Variants in VWA8 observed in about 807,000 individuals in gnomAD.
The protein encoded by VWA8 is von Willebrand factor A domain containing 8.
A neutral mutation model predicts 241.5 loss-of-function variants in VWA8; 221 were observed. The observed-to-expected ratio is 0.91, with a 90% CI of 0.82 to 1.02. The LOEUF (loss-of-function observed/expected upper bound fraction) is 1.02, where lower values mean the gene tolerates loss of function less well. Among genes scored for constraint, VWA8 ranks in the 50% least tolerant of loss-of-function variants. VWA8 has a pLI of 0.00. For synonymous variants in VWA8, 852 were observed against 827.1 expected (o/e 1.03, Z -0.52); for missense variants, 2,322 against 2,328.7 (o/e 1.00, Z 0.06).
intron 22 of VWA8, 40 bp downstream of exon 22, chr13:41,732,040 A>G (rs758282263): frequency 6.4e-7 from 1 of 1,572,590 alleles, no homozygotes; most frequent in Non-Finnish European, 8.7e-7. Context: ...CTATGATACA[A>G]AAATACACTT....
intron 28 of VWA8, among the ~76,000 whole-genome samples, chr13:41,700,394 T>C (rs2045241912): frequency 6.6e-6 from 1 of 152,092 alleles, no homozygotes; most frequent in Admixed American, 6.5e-5. Context: ...GAAAAAGACC[T>C]ATTTTTTTAG....
chr13:41,709,767 C>T (rs1055982364), intron 26 of VWA8, among the ~76,000 whole-genome samples: 5 of 138,992 alleles, frequency 3.6e-5, no homozygotes, highest in Non-Finnish European at 6.4e-5. Context: ...CTCTGTCTCT[C>T]TCTCTTTTTT....
rs138415530 is a variant in VWA8, at chr13:41,733,860, T to C, written c.2427-1705A>G. On this transcript the variant is annotated intron_variant, in intron 21 of 44. Transcript: ENST00000379310. The stretch of plus-strand genomic sequence containing the variant: ...ACTGGAGGAATTCTATAAATATTTG[T>C]TGAATGAATGAAATAAACAAAATAT... Among the ~76,000 whole-genome samples the C allele has an allele frequency of 5.3e-4, 80 of 152,224 alleles. 5 individuals carry two copies. The highest frequency in any genetic ancestry group is 1.9e-3 in the African/African-American group (79 of 41,526).
rs1363773652 is a variant in VWA8, at chr13:41,761,121, G to A, written c.2426+7C>T. On this transcript the variant is annotated splice_region_variant and intron_variant, in intron 21 of 44. Transcript: ENST00000379310. ...TTTTTAAGAGGTTGTGGGTCTAATA[G>A]TCTTACCTGTGTAGCTGAATATATT... 2 of 1,610,174 alleles carry A rather than the reference G, an allele frequency of 1.2e-6. No individual in the cohort carries two copies. Among genetic ancestry groups the A allele is most frequent in the Non-Finnish European group, 1.7e-6 (2 of 1,177,728 alleles).
At chr13:41,900,083 A>T (rs746740508) in intron 4 of VWA8, among the ~76,000 whole-genome samples, 9 of 152,206 alleles carry the variant, frequency 5.9e-5, no homozygotes, top group Non-Finnish European at 8.8e-5. Context: ...ACTCAGTTAA[A>T]AGATGCTGTT....
At chr13:41,829,562 CACACAT>C (rs760674539) in intron 14 of VWA8, among the ~76,000 whole-genome samples, 514 of 136,202 alleles carry the variant, frequency 3.8e-3, no homozygotes, top group Middle Eastern at 0.011. Context: ...CACACACACA[CACACAT>C]GCACACACAC....
intron 18 of VWA8, among the ~76,000 whole-genome samples, chr13:41,784,109 A>G (rs2137937466): frequency 6.6e-6 from 1 of 152,220 alleles, no homozygotes; most frequent in East Asian, 1.9e-4. Flanking sequence ...AAAACAATGT[A>G]GATAGAAAAC....
intron 18 of VWA8, among the ~76,000 whole-genome samples, chr13:41,784,691 CATATACATATATATATATATATAT>C (rs1869064094): frequency 2.2e-5 from 1 of 45,462 alleles, no homozygotes; most frequent in Admixed American, 2.7e-4. Flanking sequence ...TATACATATA[CATATACATATATATATATATATAT>C]ATATATATAT....
At chr13:41,583,662 A>G (rs985986569) in intron 42 of VWA8, among the ~76,000 whole-genome samples, 1 of 149,448 alleles carries the variant, frequency 6.7e-6, no homozygotes, top group Non-Finnish European at 1.5e-5. Context: ...AAAAAAAAAA[A>G]CAAACAAAAA....
chr13:41,791,231 G>A (rs899437396), intron 17 of VWA8, among the ~76,000 whole-genome samples: 1 of 151,724 alleles, frequency 6.6e-6, no homozygotes, highest in Non-Finnish European at 1.5e-5. Context: ...CTGCAGCCTT[G>A]CTAAACTCAA....
intron 3 of VWA8, among the ~76,000 whole-genome samples, chr13:41,910,947 A>G (rs1322772351): frequency 6.6e-6 from 1 of 152,154 alleles, no homozygotes; most frequent in African/African-American, 2.4e-5. Flanking sequence ...TTTTCTCTTC[A>G]TCCTAAAAAA....
intron 40 of VWA8, among the ~76,000 whole-genome samples, chr13:41,599,713 T>A (rs1362519404): frequency 6.6e-6 from 1 of 152,150 alleles, no homozygotes; most frequent in African/African-American, 2.4e-5. Flanking sequence ...CTGCGGACAG[T>A]CCCAGCATGA....
intron 38 of VWA8, among the ~76,000 whole-genome samples, chr13:41,613,811 T>TG (rs2044604770): frequency 6.6e-6 from 1 of 152,138 alleles, no homozygotes. Flanking sequence ...AATGACTTGT[T>TG]GGGCCAGAGC....
intron 17 of VWA8, among the ~76,000 whole-genome samples, chr13:41,788,599 T>C (rs1386461368): frequency 1.3e-5 from 2 of 152,234 alleles, no homozygotes; most frequent in Admixed American, 6.5e-5. Flanking sequence ...CTCTGAACTT[T>C]CGTCATAGTT....
chr13:41,592,727 CAAAAA>C (rs34814466), intron 40 of VWA8, among the ~76,000 whole-genome samples: 2 of 127,202 alleles, frequency 1.6e-5, no homozygotes. Context: ...CTGTTAATTC[CAAAAA>C]AAAAAAAAAA....
chr13:41,803,582 A>C (rs1427618885), intron 17 of VWA8, among the ~76,000 whole-genome samples: 1 of 152,124 alleles, frequency 6.6e-6, no homozygotes, highest in Non-Finnish European at 1.5e-5. Flanking sequence ...TTCTCATGAG[A>C]CTTATTCACT....
At chr13:41,749,715 T>C (rs1465587526) in intron 21 of VWA8, among the ~76,000 whole-genome samples, 4 of 152,196 alleles carry the variant, frequency 2.6e-5, no homozygotes, top group South Asian at 4.2e-4. Flanking sequence ...GGGACATGGA[T>C]GAAGCTCGAA....
intron 12 of VWA8, among the ~76,000 whole-genome samples, chr13:41,839,384 T>C (rs1341101900): frequency 6.6e-6 from 1 of 152,220 alleles, no homozygotes; most frequent in Non-Finnish European, 1.5e-5. Flanking sequence ...AGATTCTGGA[T>C]ATTAGATCTT....
At chr13:41,652,060 T>C (rs1394725631) in intron 37 of VWA8, among the ~76,000 whole-genome samples, 1 of 152,208 alleles carries the variant, frequency 6.6e-6, no homozygotes, top group African/African-American at 2.4e-5. Flanking sequence ...TAAGGCCAAA[T>C]TGGGGCCAGA....
Sources: allele counts gnomAD v4.1 joint callset (sites outside exome capture counted in the v4.1 genomes callset), GRCh38; gene constraint gnomAD v4.1.1; transcripts MANE v1.5; gene names NCBI Gene and HGNC (gene_info 2026-07-23, HGNC 2026-07-21).